The following MSRB3 variants were observed in gnomAD, a reference collection of about 807,000 sequenced individuals.
MSRB3 encodes methionine-R-sulfoxide reductase B3.
MSRB3 carries 13 observed loss-of-function variants against 21.0 expected under a neutral mutation model. The ratio of observed to expected loss-of-function variants is 0.62; its 90% CI spans 0.40 to 0.98. The LOEUF (loss-of-function observed/expected upper bound fraction) is 0.98. Ranked by LOEUF, MSRB3 falls within the 50% of genes least tolerant of loss-of-function variation. The pLI, the probability that MSRB3 is intolerant of heterozygous loss-of-function variation, is 0.00. For missense variants in MSRB3, 199 were observed against 230.3 expected (o/e 0.86, Z 0.88); for synonymous variants, 87 against 88.6 (o/e 0.98, Z 0.10).
At chr12:65,342,359 A>G (rs560352775) in intron 4 of MSRB3, among the ~76,000 whole-genome samples, 3 of 152,088 alleles carry the variant, frequency 2.0e-5, no homozygotes, top group Non-Finnish European at 2.9e-5. Context: ...AGAATAAGAA[A>G]TACATATGAT....
chr12:65,447,978 T>C (rs1882696261), intron 5 of MSRB3, among the ~76,000 whole-genome samples: 1 of 152,324 alleles, frequency 6.6e-6, no homozygotes, highest in Admixed American at 6.5e-5. Flanking sequence ...CAAGTGTTGC[T>C]GTATAAAAAA....
At chr12:65,346,244 C>G (rs1288059259) in intron 4 of MSRB3, among the ~76,000 whole-genome samples, 1 of 152,172 alleles carries the variant, frequency 6.6e-6, no homozygotes, top group Non-Finnish European at 1.5e-5. Flanking sequence ...TCTCCGGCAC[C>G]TGTTGTTTCC....
intron 5 of MSRB3, among the ~76,000 whole-genome samples, chr12:65,433,374 T>G (rs1881972435): frequency 6.6e-6 from 1 of 151,920 alleles, no homozygotes; most frequent in African/African-American, 2.4e-5. Flanking sequence ...AGAAAAAAAC[T>G]TCATCTTTTT....
chr12:65,418,582 C>CT, intron 5 of MSRB3: 1 of 560,942 alleles, frequency 1.8e-6, no homozygotes, highest in South Asian at 2.4e-5. Context: ...TGTCATGGAG[C>CT]TTTTCCCTGT....
intron 5 of MSRB3, among the ~76,000 whole-genome samples, chr12:65,400,821 C>T (rs1328415481): frequency 1.3e-5 from 2 of 152,172 alleles, no homozygotes; most frequent in Non-Finnish European, 2.9e-5. Flanking sequence ...TCTTTGTTCT[C>T]ATTGGTTTCA....
chr12:65,365,473 G>A (rs756996661), intron 4 of MSRB3, among the ~76,000 whole-genome samples: 3 of 152,168 alleles, frequency 2.0e-5, no homozygotes, highest in Non-Finnish European at 2.9e-5. Context: ...GTGTGAGTTA[G>A]AGATGGATTG....
chr12:65,332,737 A>G (rs576264795), intron 4 of MSRB3, among the ~76,000 whole-genome samples: 2 of 152,154 alleles, frequency 1.3e-5, no homozygotes, highest in Non-Finnish European at 2.9e-5. Context: ...AATCCTCATC[A>G]TTTACTTGAC....
At chr12:65,418,936 G>T (rs957214861) in intron 5 of MSRB3, 1 of 713,898 alleles carries the variant, frequency 1.4e-6, no homozygotes, top group Non-Finnish European at 2.5e-6. Flanking sequence ...CTACTCCTGG[G>T]CCTGGTGCTG....
chr12:65,289,994 T>C (rs1362912805), intron 1 of MSRB3, among the ~76,000 whole-genome samples: 2 of 152,186 alleles, frequency 1.3e-5, no homozygotes, highest in African/African-American at 4.8e-5. Flanking sequence ...AACTTAGCAT[T>C]TATTATCCAT....
chr12:65,427,369 T>G (rs1306475774), intron 5 of MSRB3, among the ~76,000 whole-genome samples: 1 of 152,184 alleles, frequency 6.6e-6, no homozygotes, highest in African/African-American at 2.4e-5. Flanking sequence ...TGAGGGTTTC[T>G]GGGTTTTCTG....
intron 5 of MSRB3, among the ~76,000 whole-genome samples, chr12:65,449,874 C>A (rs1882781732): frequency 6.6e-6 from 1 of 152,156 alleles, no homozygotes; most frequent in Non-Finnish European, 1.5e-5. Context: ...CTTGTTTACA[C>A]TCTGTTGCTA....
intron 2 of MSRB3, among the ~76,000 whole-genome samples, chr12:65,310,900 A>C (rs1465591637): frequency 1.3e-5 from 2 of 152,314 alleles, no homozygotes; most frequent in East Asian, 1.9e-4. Flanking sequence ...AATAGTACCA[A>C]CCTGAAAGGG....
intron 5 of MSRB3, among the ~76,000 whole-genome samples, chr12:65,442,735 A>G (rs553217563): frequency 3.9e-5 from 6 of 152,244 alleles, no homozygotes; most frequent in African/African-American, 1.4e-4. Flanking sequence ...TACTAGGTCA[A>G]CACTAAATTT....
intron 1 of MSRB3, chr12:65,279,340 C>G (rs1475491350): frequency 1.3e-5 from 2 of 152,882 alleles, no homozygotes; most frequent in African/African-American, 4.8e-5. Context: ...CGCTTTTCGC[C>G]GCGCGCCTCG....
At chr12:65,350,735 A>G (rs1305022149) in intron 4 of MSRB3, among the ~76,000 whole-genome samples, 1 of 133,930 alleles carries the variant, frequency 7.5e-6, no homozygotes, top group Non-Finnish European at 1.6e-5. Flanking sequence ...ATAATGGTAA[A>G]GGGATCAATT....
chr12:65,280,744 G>A (rs563717476), intron 1 of MSRB3, among the ~76,000 whole-genome samples: 2 of 152,266 alleles, frequency 1.3e-5, no homozygotes, highest in Admixed American at 6.5e-5. Flanking sequence ...AGCATACAAT[G>A]TAATTTAGAT....
intron 6 of MSRB3, among the ~76,000 whole-genome samples, chr12:65,460,408 A>C (rs986183574): frequency 5.3e-5 from 8 of 152,180 alleles, no homozygotes; most frequent in Admixed American, 6.5e-5. Context: ...CTGGGAGACT[A>C]GGTTTACCTG....
At chr12:65,463,010 T>A in intron 6 of MSRB3, 145 bp from the exon 7 acceptor site, 1 of 988,178 alleles carries the variant, frequency 1.0e-6, no homozygotes, top group Middle Eastern at 3.1e-4. Context: ...TCTTTGCGGC[T>A]ATTGACAGGC....
intron 4 of MSRB3, among the ~76,000 whole-genome samples, chr12:65,350,909 A>G (rs1265375224): frequency 2.0e-4 from 29 of 148,288 alleles, no homozygotes; most frequent in Middle Eastern, 3.4e-3. Flanking sequence ...TCAACGAGAC[A>G]GAAAGTCAAC....
Sources: gnomAD v4.1 joint callset for allele counts (sites outside exome capture counted in the v4.1 genomes callset) on GRCh38, gnomAD v4.1.1 for gene constraint, MANE v1.5 for transcripts, NCBI Gene and HGNC (gene_info 2026-07-23, HGNC 2026-07-21) for gene names.